Variants in PIK3CB observed in about 807,000 individuals in gnomAD.
The protein encoded by PIK3CB is phosphatidylinositol 4,5-bisphosphate 3-kinase catalytic subunit beta isoform.
In PIK3CB, 39 loss-of-function variants were observed where a neutral mutation model predicts 136.8. The ratio of observed to expected loss-of-function variants is 0.29; its 90% CI spans 0.22 to 0.37. PIK3CB has a LOEUF of 0.37. PIK3CB is among the 10% of genes least tolerant of loss of function. The pLI is 1.00. For synonymous variants in PIK3CB, 428 were observed against 436.6 expected (o/e 0.98, Z 0.25); for missense variants, 868 against 1,275.4 (o/e 0.68, Z 4.87).
chr3:138,694,764 G>A, intron 14 of PIK3CB, 22 bp downstream of exon 14: 3 of 1,609,338 alleles, frequency 1.9e-6, no homozygotes, highest in Non-Finnish European at 1.7e-6. Flanking sequence ...TTGCCCCAAA[G>A]AAAACCACCT....
intron 19 of PIK3CB, among the ~76,000 whole-genome samples, chr3:138,675,516 G>A (rs768123047): frequency 1.3e-5 from 2 of 151,908 alleles, no homozygotes; most frequent in African/African-American, 4.8e-5. Context: ...TATTATAATC[G>A]AACTGTCAAG....
chr3:138,723,026 C>T (rs2044760324), intron 8 of PIK3CB, among the ~76,000 whole-genome samples: 2 of 151,554 alleles, frequency 1.3e-5, no homozygotes, highest in South Asian at 2.1e-4. Flanking sequence ...GGAAAAAAGA[C>T]CCAACTTTAT....
At chr3:138,691,498 A>G (rs1161619095) in intron 14 of PIK3CB, among the ~76,000 whole-genome samples, 1 of 152,168 alleles carries the variant, frequency 6.6e-6, no homozygotes, top group East Asian at 1.9e-4. Flanking sequence ...GACTGAATCA[A>G]TGTGGCCCTC....
chr3:138,731,966 G>A (rs2044985300), intron 8 of PIK3CB, among the ~76,000 whole-genome samples: 1 of 151,362 alleles, frequency 6.6e-6, no homozygotes, highest in African/African-American at 2.4e-5. Context: ...CTGGGCAACA[G>A]AGTGAGACTC....
At chr3:138,663,472 C>T (rs1183598556) in intron 21 of PIK3CB, among the ~76,000 whole-genome samples, 4 of 152,164 alleles carry the variant, frequency 2.6e-5, no homozygotes, top group Non-Finnish European at 4.4e-5. Context: ...ACCTCCGCCT[C>T]CCAGGTTCAA....
intron 11 of PIK3CB, among the ~76,000 whole-genome samples, chr3:138,705,731 T>C (rs1462338846): frequency 6.6e-6 from 1 of 152,220 alleles, no homozygotes; most frequent in Non-Finnish European, 1.5e-5. Flanking sequence ...GGAAATTAAA[T>C]AAACTTTCAG....
intron 19 of PIK3CB, among the ~76,000 whole-genome samples, chr3:138,675,755 A>T (rs1265055843): frequency 6.6e-6 from 1 of 152,174 alleles, no homozygotes; most frequent in Non-Finnish European, 1.5e-5. Flanking sequence ...GAGAGAAAGA[A>T]CAAAGGTTGG....
chr3:138,780,018 C>T (rs191307328), intron 2 of PIK3CB, among the ~76,000 whole-genome samples: 70 of 150,096 alleles, frequency 4.7e-4, no homozygotes, highest in Admixed American at 1.2e-3. Context: ...AGTGCAGTGG[C>T]GAGACCTCAG....
At chr3:138,716,716 T>G (rs887619574) in intron 8 of PIK3CB, among the ~76,000 whole-genome samples, 1 of 151,020 alleles carries the variant, frequency 6.6e-6, no homozygotes, top group Non-Finnish European at 1.5e-5. Context: ...GCCAACATGG[T>G]GGAACACCAT....
At chr3:138,833,728 T>A (rs1279188853) in intron 1 of PIK3CB, among the ~76,000 whole-genome samples, 1 of 152,214 alleles carries the variant, frequency 6.6e-6, no homozygotes, top group African/African-American at 2.4e-5. Flanking sequence ...TCCATACTCT[T>A]CGTGTGTTTA....
chr3:138,665,014 T>C (rs1365931824), intron 20 of PIK3CB, 22 bp downstream of exon 20: 3 of 1,539,380 alleles, frequency 1.9e-6, no homozygotes, highest in Non-Finnish European at 2.7e-6. Flanking sequence ...AGAAAAATGA[T>C]AATTAAACAG....
intron 14 of PIK3CB, among the ~76,000 whole-genome samples, chr3:138,693,974 AT>A (rs2044078960): frequency 9.4e-6 from 1 of 106,462 alleles, no homozygotes; most frequent in East Asian, 2.9e-4. Context: ...TATTATATAT[AT>A]ATATATATAT....
At chr3:138,746,593 G>A (rs1270165675) in intron 4 of PIK3CB, among the ~76,000 whole-genome samples, 2 of 151,946 alleles carry the variant, frequency 1.3e-5, no homozygotes, top group Non-Finnish European at 2.9e-5. Context: ...CCTGGGAGGT[G>A]GAGCTTGCAG....
intron 1 of PIK3CB, among the ~76,000 whole-genome samples, chr3:138,822,861 CGAAATATATAT>C (rs1271669553): frequency 2.9e-5 from 4 of 138,856 alleles, no homozygotes; most frequent in African/African-American, 8.0e-5. Context: ...AATATATATA[CGAAATATATAT>C]GAAATATATA....
chr3:138,823,592 A>T (rs2108908517), intron 1 of PIK3CB, among the ~76,000 whole-genome samples: 1 of 152,194 alleles, frequency 6.6e-6, no homozygotes, highest in South Asian at 2.1e-4. Flanking sequence ...AATGCCAGCT[A>T]CTCGGGAGGC....
chr3:138,815,368 A>AAAAAAAAAAAAAAAAAAAAAAAAAAAAC (rs1553743726), intron 1 of PIK3CB, among the ~76,000 whole-genome samples: 2 of 105,900 alleles, frequency 1.9e-5, no homozygotes, highest in Non-Finnish European at 3.9e-5. Flanking sequence ...AAAAAAAAAA[A>AAAAAAAAAAAAAAAAAAAAAAAAAAAAC]AAAAAAACTA....
intron 1 of PIK3CB, among the ~76,000 whole-genome samples, chr3:138,824,447 T>G (rs771617584): frequency 2.0e-5 from 3 of 152,092 alleles, no homozygotes; most frequent in Non-Finnish European, 4.4e-5. Context: ...TACTCCCAGT[T>G]AAAGGGTCAA....
At chr3:138,759,391 A>C in intron 2 of PIK3CB, 32 bp from the exon 3 acceptor site, 3 of 1,497,212 alleles carry the variant, frequency 2.0e-6, no homozygotes, top group East Asian at 2.3e-5. Context: ...ATAGCAAAAC[A>C]ACCATCAGCC....
At chr3:138,688,999 A>C in intron 15 of PIK3CB, 25 bp from the exon 16 acceptor site, 1 of 1,423,382 alleles carries the variant, frequency 7.0e-7, no homozygotes, top group Non-Finnish European at 9.9e-7. Flanking sequence ...TGATATCTGA[A>C]CAGTTTGTTT....
Sources: allele counts gnomAD v4.1 joint callset (sites outside exome capture counted in the v4.1 genomes callset), GRCh38; gene constraint gnomAD v4.1.1; transcripts MANE v1.5; gene names NCBI Gene and HGNC (gene_info 2026-07-23, HGNC 2026-07-21).